Variants in SURF4 observed in about 807,000 individuals in gnomAD.
The protein encoded by SURF4 is surfeit locus protein 4.
In SURF4, 3 loss-of-function variants were observed where a neutral mutation model predicts 30.0. The ratio of observed to expected loss-of-function variants is 0.10; its 90% CI spans 0.05 to 0.26. The LOEUF is 0.26. SURF4 is among the 10% of genes least tolerant of loss of function. SURF4 has a pLI of 1.00. For missense variants in SURF4, 217 were observed against 350.8 expected (o/e 0.62, Z 3.05); for synonymous variants, 143 against 139.9 (o/e 1.02, Z -0.16).
chr9:133,377,420 C>G (rs1408685920), upstream of SURF4, among the ~76,000 whole-genome samples: 1 of 152,264 alleles, frequency 6.6e-6, no homozygotes, highest in Non-Finnish European at 1.5e-5. Flanking sequence ...ATCCCCAACA[C>G]TTTGGGAGGC....
chr9:133,365,412 C>CTACT (rs1313693759), intron 4 of SURF4, among the ~76,000 whole-genome samples: 1 of 152,154 alleles, frequency 6.6e-6, no homozygotes, highest in Non-Finnish European at 1.5e-5. Flanking sequence ...GCTTCAGTCT[C>CTACT]TACTATTCTA....
chr9:133,375,525 G>C (rs2130237964), intron 1 of SURF4: 20 of 635,626 alleles, frequency 3.1e-5, no homozygotes, highest in South Asian at 7.1e-5. Context: ...GCCCCAGTGA[G>C]AGGAAAAACG....
In SURF4 at chr9:133,366,034, G is replaced by A. The variant is rs1837149737; in HGVS notation, c.313-6C>T. 1.9e-6 allele frequency: 3 copies of A among 1,613,836 alleles called. No homozygotes were observed. Among genetic ancestry groups the A allele is most frequent in the African/African-American group, 2.7e-5 (2 of 74,934 alleles). ...AAAATGCTGTAGGCAATCGTCTGAG[G>A]GGAAAGAAGAGAGAGATACTTGAGT... On this transcript the variant is annotated splice_region_variant and splice_polypyrimidine_tract_variant and intron_variant, in intron 3 of 5. Transcript: ENST00000371989.
chr9:133,376,152 G>T (rs1837926352), upstream of SURF4: 3 of 1,209,750 alleles, frequency 2.5e-6, no homozygotes, highest in South Asian at 4.1e-5. Context: ...GCCCGGGCCC[G>T]CCCCGGTGCG....
intron 1 of SURF4, chr9:133,371,008 AGAC>A (rs1442036002): frequency 2.3e-6 from 3 of 1,283,760 alleles, no homozygotes; most frequent in Admixed American, 4.6e-5. Flanking sequence ...TGGTTATTTT[AGAC>A]GACTGAAGGG....
rs200616316 is a variant in SURF4 at position 133,366,026 on chromosome 9, C to T, written c.315G>A (p.Thr105=). Residue 105 remains threonine (T), a splice_region_variant and synonymous_variant, in exon 4 of 6, where the codon ACG becomes ACA. Transcript: ENST00000371989. ...FGLFGIIALQ[T]IAYSILWDLK... ...AGTCCCATAAAATGCTGTAGGCAATCGTCTGAGGGGAAAGAAGAGAGAGAT... is the reference window on the plus strand; with the variant it reads ...AGTCCCATAAAATGCTGTAGGCAATTGTCTGAGGGGAAAGAAGAGAGAGAT... The T allele has an allele frequency of 4.3e-6, 7 of 1,614,038 alleles. No homozygotes were observed. The South Asian group carries it at 4.4e-5, about 10-fold the overall frequency.
Position 133,367,698 on chromosome 9 carries a change from C to G in SURF4, c.49-253G>C, listed in dbSNP as rs2130148999. 3.9e-5 allele frequency among the ~76,000 whole-genome samples: 6 copies of G among 152,380 alleles called. No individual in the cohort carries two copies. The South Asian group carries it at 1.2e-3, about 32-fold the overall frequency. On this transcript the variant is annotated intron_variant, in intron 1 of 5. Coordinates refer to ENST00000371989, the MANE Select transcript of SURF4 (RefSeq NM_033161.4). ...GATGCATGACTTGACGTTAGGCCCT[C>G]TGGGGCAGATCCTATAGGGCAGCAG...
rs2130087710 is a variant in SURF4 at position 133,363,510 on chromosome 9, T to G, written c.793A>C (p.Lys265Gln). 6.2e-7 allele frequency: 1 copy of G among 1,614,134 alleles called. No homozygotes were observed. Among genetic ancestry groups the G allele is most frequent in the South Asian group, 1.1e-5 (1 of 91,082 alleles). ...TGTGACTGTTACCACTCCTTCTTCT[T>G]CTCATCCATGGAGACACCCCCAGGG... ...LGPGGVSMDE[K>Q]KKEW The change falls in exon 6 of 6, where the codon AAG becomes CAG. Residue 265 changes from lysine to glutamine, a missense_variant. Transcript: ENST00000371989. This position sits in a 1 kb window ranked among gnomAD's most constrained non-coding sequence, Gnocchi z 4.3.
upstream of SURF4, chr9:133,376,246 A>T: frequency 3.1e-6 from 4 of 1,298,160 alleles, no homozygotes; most frequent in Non-Finnish European, 2.9e-6. Flanking sequence ...CACGCCTCTC[A>T]CGCTGGAGGC....
chr9:133,373,836 T>C (rs1411071644), intron 1 of SURF4, among the ~76,000 whole-genome samples: 2 of 139,632 alleles, frequency 1.4e-5, no homozygotes, highest in Non-Finnish European at 3.0e-5. Flanking sequence ...GAGAATTGCT[T>C]GAATCCGGGA....
intron 1 of SURF4, among the ~76,000 whole-genome samples, chr9:133,371,486 G>A (rs2130189772): frequency 6.6e-6 from 1 of 152,206 alleles, no homozygotes; most frequent in East Asian, 1.9e-4. Context: ...CTAAAAAACT[G>A]TGTGATCAAA....
At chr9:133,376,689 C>G (rs1212971121), upstream of SURF4, 1 of 777,192 alleles carries the variant, frequency 1.3e-6, no homozygotes, top group African/African-American at 1.9e-5. Flanking sequence ...GCCTGCAGCT[C>G]CTAGGTTGAA....
upstream of SURF4, among the ~76,000 whole-genome samples, chr9:133,377,346 T>G (rs1330578349): frequency 2.0e-5 from 3 of 152,216 alleles, no homozygotes; most frequent in Non-Finnish European, 4.4e-5. Context: ...ACACCAGCTC[T>G]GCCCTCAGCC....
chr9:133,373,476 G>C (rs1837626579), intron 1 of SURF4, among the ~76,000 whole-genome samples: 1 of 152,118 alleles, frequency 6.6e-6, no homozygotes, highest in Non-Finnish European at 1.5e-5. Flanking sequence ...GGTGGCGTGG[G>C]CCTGTCATCT....
At chr9:133,367,552 G>C (rs1365475120) in intron 1 of SURF4, 107 bp from the exon 2 acceptor site, 1 of 1,569,056 alleles carries the variant, frequency 6.4e-7, no homozygotes, top group Non-Finnish European at 8.6e-7. Flanking sequence ...CGCTGTGGAA[G>C]GCAAGAGCTC....
chr9:133,372,021 G>A (rs1402015830), intron 1 of SURF4, among the ~76,000 whole-genome samples: 1 of 152,250 alleles, frequency 6.6e-6, no homozygotes, highest in Non-Finnish European at 1.5e-5. Flanking sequence ...AAACTGCTTA[G>A]AAGCTACATT....
rs968157190 is a variant in SURF4 at position 133,362,070 on chromosome 9, G to GT, written c.*1422dup. ...AACGCGTTGGGACTAGTTCGGCTGTGTTAAAAAGGTAGGTGACTTCCAAAA... is the reference window on the plus strand; with the variant it reads ...AACGCGTTGGGACTAGTTCGGCTGTGTTTAAAAAGGTAGGTGACTTCCAAAA... On this transcript the variant is annotated 3_prime_UTR_variant, in exon 6 of 6. Coordinates refer to ENST00000371989, the MANE Select transcript of SURF4 (RefSeq NM_033161.4). 1 of 152,244 alleles carries GT rather than the reference G, an allele frequency of 6.6e-6. No individual in the cohort carries two copies. The highest frequency in any genetic ancestry group is 2.4e-5 in the African/African-American group (1 of 41,450). The allele number at this position is 152,244 out of a possible 1,614,324, so 9.4% of individuals were successfully genotyped here.
At chr9:133,366,167 A>G in intron 3 of SURF4, 139 bp from the exon 4 acceptor site, 1 of 777,296 alleles carries the variant, frequency 1.3e-6, no homozygotes, top group Non-Finnish European at 2.1e-6. Context: ...GACCGAGGAC[A>G]GATCTAAGCT....
At chr9:133,377,440 C>T (rs2130254045), upstream of SURF4, among the ~76,000 whole-genome samples, 172 of 152,298 alleles carry the variant, frequency 1.1e-3, 1 homozygote, top group Middle Eastern at 0.014. Flanking sequence ...CCAAGGCGGG[C>T]GGATCACCTG....
Sources: allele counts gnomAD v4.1 joint callset (sites outside exome capture counted in the v4.1 genomes callset), GRCh38; gene constraint gnomAD v4.1.1; non-coding constraint Gnocchi (gnomAD v3.1); transcripts MANE v1.5; gene names NCBI Gene and HGNC (gene_info 2026-07-23, HGNC 2026-07-21).